Variants in LRMDA observed in about 807,000 individuals in gnomAD.
LRMDA encodes the protein leucine rich melanocyte differentiation associated.
In LRMDA, 18 loss-of-function variants were observed where a neutral mutation model predicts 29.8. The observed-to-expected ratio is 0.60, with a 90% CI of 0.42 to 0.90. LRMDA has a LOEUF of 0.90. Among genes scored for constraint, LRMDA ranks in the 40% least tolerant of loss-of-function variants. The pLI, the probability that LRMDA is intolerant of heterozygous loss-of-function variation, is 0.00. For synonymous variants in LRMDA, 125 were observed against 109.4 expected (o/e 1.14, Z -0.89); for missense variants, 273 against 273.9 (o/e 1.00, Z 0.02).
intron 6 of LRMDA, among the ~76,000 whole-genome samples, chr10:76,526,977 AAAATAAATAAATAAATAAAT>A (rs199776614): frequency 2.1e-3 from 257 of 121,524 alleles, no homozygotes; most frequent in African/African-American, 7.9e-3. Flanking sequence ...AAAGTATAAT[AAAATAAATAAATAAATAAAT>A]AAATAAATAA....
chr10:76,322,987 TG>T (rs1319265088), intron 5 of LRMDA, among the ~76,000 whole-genome samples: 1 of 152,116 alleles, frequency 6.6e-6, no homozygotes, highest in Non-Finnish European at 1.5e-5. Context: ...TTAATAATTT[TG>T]GGCTCTACAT....
At chr10:76,114,517 G>A (rs1371954891) in intron 5 of LRMDA, among the ~76,000 whole-genome samples, 1 of 152,152 alleles carries the variant, frequency 6.6e-6, no homozygotes, top group Non-Finnish European at 1.5e-5. Flanking sequence ...GAGGGGTAGT[G>A]GTGGGGGCAC....
At chr10:75,476,947 G>A (rs1360354092) in intron 2 of LRMDA, among the ~76,000 whole-genome samples, 1 of 151,732 alleles carries the variant, frequency 6.6e-6, no homozygotes, top group Non-Finnish European at 1.5e-5. Flanking sequence ...CCCTCTGTGT[G>A]TCTATCTGTG....
chr10:76,498,179 C>A lies in LRMDA; in HGVS notation c.602-59030C>A, dbSNP rs1287594887. Among the ~76,000 whole-genome samples the A allele has an allele frequency of 2.7e-5, 2 of 75,466 alleles. 1 individual carries two copies. Among genetic ancestry groups the A allele is most frequent in the African/African-American group, 6.4e-5 (2 of 31,042 alleles). 49.5% of individuals were successfully genotyped at this position (75,466 alleles called of 152,430 possible). ...TTGTGACACTGCAGGGCTAACTCCA[C>A]CTGTGCTAAGCATTCAGCATTGTTT... On this transcript the variant is annotated intron_variant, in intron 6 of 6. Coordinates refer to ENST00000611255, the MANE Select transcript of LRMDA (RefSeq NM_001305581.2).
intron 2 of LRMDA, among the ~76,000 whole-genome samples, chr10:75,932,625 C>G (rs1255264328): frequency 1.3e-5 from 2 of 151,090 alleles, no homozygotes; most frequent in Non-Finnish European, 3.0e-5. Context: ...CAAAACAAAC[C>G]AAAACAACAG....
intron 2 of LRMDA, among the ~76,000 whole-genome samples, chr10:75,539,203 T>C (rs1839986949): frequency 6.6e-6 from 1 of 152,216 alleles, no homozygotes; most frequent in Non-Finnish European, 1.5e-5. Flanking sequence ...AGTCAAATTA[T>C]TTTTCAGCAG....
intron 2 of LRMDA, among the ~76,000 whole-genome samples, chr10:75,672,792 G>A (rs1013700213): frequency 6.7e-6 from 1 of 150,272 alleles, no homozygotes; most frequent in Admixed American, 6.6e-5. Context: ...GGCTGGTCTC[G>A]AACTCATGAC....
intron 5 of LRMDA, among the ~76,000 whole-genome samples, chr10:76,142,367 T>A (rs1243041956): frequency 6.6e-6 from 1 of 152,180 alleles, no homozygotes; most frequent in Non-Finnish European, 1.5e-5. Context: ...TGTGTGGTCC[T>A]CTTCAGTGTA....
At chr10:76,526,010 A>T (rs1301084638) in intron 6 of LRMDA, among the ~76,000 whole-genome samples, 1 of 152,150 alleles carries the variant, frequency 6.6e-6, no homozygotes, top group African/African-American at 2.4e-5. Context: ...GAAGTATTAG[A>T]TTCACAATTT....
chr10:76,358,830 G>A (rs905778579), intron 6 of LRMDA, among the ~76,000 whole-genome samples: 9 of 152,148 alleles, frequency 5.9e-5, no homozygotes, highest in South Asian at 4.1e-4. Context: ...CCATCTAATC[G>A]CAGCTGTCTG....
At chr10:76,095,141 C>T (rs1252830975) in intron 5 of LRMDA, among the ~76,000 whole-genome samples, 1 of 152,136 alleles carries the variant, frequency 6.6e-6, no homozygotes, top group Non-Finnish European at 1.5e-5. Flanking sequence ...GTCAACCATC[C>T]CCAACCATCC....
intron 2 of LRMDA, among the ~76,000 whole-genome samples, chr10:75,611,807 C>T (rs1463761677): frequency 6.6e-6 from 1 of 152,200 alleles, no homozygotes; most frequent in Non-Finnish European, 1.5e-5. Flanking sequence ...CTCCACCTGT[C>T]CTTTTGGCCA....
intron 2 of LRMDA, among the ~76,000 whole-genome samples, chr10:75,585,678 G>A (rs1268710247): frequency 6.6e-6 from 1 of 152,100 alleles, no homozygotes; most frequent in African/African-American, 2.4e-5. Flanking sequence ...TTTTATTGTG[G>A]TAAGAACATT....
At chr10:76,196,465 C>T (rs555439507) in intron 5 of LRMDA, among the ~76,000 whole-genome samples, 2 of 152,322 alleles carry the variant, frequency 1.3e-5, no homozygotes, top group South Asian at 4.1e-4. Flanking sequence ...GTTTTCAGAG[C>T]TGCCACGTGG....
intron 2 of LRMDA, among the ~76,000 whole-genome samples, chr10:75,558,481 A>G (rs1437235236): frequency 1.3e-5 from 2 of 152,110 alleles, no homozygotes; most frequent in Non-Finnish European, 2.9e-5. Context: ...TCTGTCTTAT[A>G]TCTTTTTGAA....
chr10:75,441,636 C>G (rs1844327690), intron 2 of LRMDA, among the ~76,000 whole-genome samples: 1 of 152,110 alleles, frequency 6.6e-6, no homozygotes, highest in African/African-American at 2.4e-5. Context: ...CTCCCAGGCC[C>G]TTTCTCTCTT....
intron 5 of LRMDA, among the ~76,000 whole-genome samples, chr10:76,064,924 G>A (rs1848758959): frequency 6.6e-6 from 1 of 151,946 alleles, no homozygotes; most frequent in Non-Finnish European, 1.5e-5. Context: ...ATGTTTTTAT[G>A]ATTTTTTTTT....
chr10:75,690,994 TACACACACAC>T (rs3041682), intron 2 of LRMDA, among the ~76,000 whole-genome samples: 22 of 100,048 alleles, frequency 2.2e-4, no homozygotes, highest in South Asian at 1.1e-3. Flanking sequence ...TATATATATA[TACACACACAC>T]ACACACACAC....
chr10:75,591,508 A>G (rs895255127), intron 2 of LRMDA, among the ~76,000 whole-genome samples: 1 of 152,192 alleles, frequency 6.6e-6, no homozygotes, highest in African/African-American at 2.4e-5. Context: ...GGTCATGAGC[A>G]GTTTCCTTCG....
Sources: gnomAD v4.1 joint callset for allele counts (sites outside exome capture counted in the v4.1 genomes callset) on GRCh38, gnomAD v4.1.1 for gene constraint, MANE v1.5 for transcripts, NCBI Gene and HGNC (gene_info 2026-07-23, HGNC 2026-07-21) for gene names.